SAXO1: variants seen among roughly 807,000 people sequenced by gnomAD.
SAXO1 encodes stabilizer of axonemal microtubules 1.
In SAXO1, 21 loss-of-function variants were observed where a neutral mutation model predicts 17.5. That is an observed-to-expected ratio of 1.20 (90% CI 0.85 to 1.72). SAXO1 has a LOEUF of 1.72. Ranked by LOEUF, SAXO1 falls within the 40% of genes most tolerant of loss-of-function variation. The pLI is 0.00. For missense variants in SAXO1, 843 were observed against 596.0 expected (o/e 1.41, Z -4.32); for synonymous variants, 274 against 216.5 (o/e 1.27, Z -2.33).
At chr9:18,955,618 GC>G (rs1172256113) in intron 1 of SAXO1, among the ~76,000 whole-genome samples, 1 of 152,136 alleles carries the variant, frequency 6.6e-6, no homozygotes, top group African/African-American at 2.4e-5. Flanking sequence ...TCTTCATATG[GC>G]ATAATCAGAG....
chr9:19,033,107 T>TAGC lies in SAXO1; in HGVS notation c.-202_-200dup. On this transcript the variant is annotated 5_prime_UTR_variant, in exon 1 of 4. Coordinates refer to ENST00000380534, the MANE Select transcript of SAXO1 (RefSeq NM_153707.4). ...CTCCTGGAGCTGGCCTAGCGCGAGGTAGCAGCAGGGGGCTTGCACGCGCGC... is the reference window on the plus strand; with the variant it reads ...CTCCTGGAGCTGGCCTAGCGCGAGGTAGCAGCAGCAGGGGGCTTGCACGCGCGC... 1 of 529,106 alleles carries TAGC rather than the reference T, an allele frequency of 1.9e-6. No homozygotes were observed. Among genetic ancestry groups the TAGC allele is most frequent in the South Asian group, 3.2e-5 (1 of 31,116 alleles). 32.8% of individuals were successfully genotyped at this position (529,106 alleles called of 1,614,324 possible). A position where few individuals can be genotyped will look rare whatever the true frequency, so the allele number is the denominator to read the frequency against.
intron 3 of SAXO1, among the ~76,000 whole-genome samples, chr9:18,933,903 A>C (rs538287080): frequency 2.5e-4 from 38 of 152,250 alleles, no homozygotes; most frequent in Admixed American, 2.0e-3. Flanking sequence ...CAAATTAGCC[A>C]GGCGTAGTGG....
chr9:19,032,542 G>C (rs182250813), intron 1 of SAXO1, among the ~76,000 whole-genome samples: 1 of 152,184 alleles, frequency 6.6e-6, no homozygotes, highest in African/African-American at 2.4e-5. Flanking sequence ...AGCAAGACTG[G>C]TCCCACTGGG....
chr9:18,978,537 G>A (rs1833244706), intron 1 of SAXO1, among the ~76,000 whole-genome samples: 1 of 152,204 alleles, frequency 6.6e-6, no homozygotes, highest in African/African-American at 2.4e-5. Context: ...ATTTTAATAA[G>A]AGCCATTGTG....
intron 1 of SAXO1, among the ~76,000 whole-genome samples, chr9:19,030,693 CAAAAAAATA>C (rs1835723248): frequency 6.7e-6 from 1 of 150,102 alleles, no homozygotes; most frequent in Non-Finnish European, 1.5e-5. Flanking sequence ...GACTCCATCT[CAAAAAAATA>C]AAAAAAATAA....
intron 1 of SAXO1, among the ~76,000 whole-genome samples, chr9:19,041,586 A>C (rs551287266): frequency 5.9e-5 from 9 of 152,354 alleles, no homozygotes; most frequent in African/African-American, 2.2e-4. Flanking sequence ...TGGTACTAGC[A>C]TAAAAACAGA....
At chr9:19,029,079 C>T (rs1835643579) in intron 1 of SAXO1, among the ~76,000 whole-genome samples, 1 of 152,214 alleles carries the variant, frequency 6.6e-6, no homozygotes, top group African/African-American at 2.4e-5. Context: ...CCAAGAGAGT[C>T]ACCCATTGGT....
At chr9:19,021,811 T>C (rs1446316877) in intron 1 of SAXO1, among the ~76,000 whole-genome samples, 1 of 144,264 alleles carries the variant, frequency 6.9e-6, no homozygotes, top group African/African-American at 2.5e-5. Context: ...GCTAAAGCAT[T>C]GTAAACGCAC....
chr9:18,980,780 T>TGAA (rs1833353649), intron 1 of SAXO1, among the ~76,000 whole-genome samples: 1 of 8,392 alleles, frequency 1.2e-4, no homozygotes. Flanking sequence ...TTTAAAAAAC[T>TGAA]GAAAAAAAAA....
At chr9:18,988,858 A>G (rs936616344) in intron 1 of SAXO1, among the ~76,000 whole-genome samples, 2 of 152,166 alleles carry the variant, frequency 1.3e-5, no homozygotes, top group African/African-American at 4.8e-5. Context: ...ATAATGATTC[A>G]CTTTACATTG....
At chr9:18,953,060 T>C (rs1424840342) in intron 1 of SAXO1, among the ~76,000 whole-genome samples, 1 of 152,218 alleles carries the variant, frequency 6.6e-6, no homozygotes, top group South Asian at 2.1e-4. Flanking sequence ...GATTTCAATT[T>C]AAGCCAACTA....
chr9:19,015,643 CT>C (rs34096432), intron 1 of SAXO1, among the ~76,000 whole-genome samples: 8,990 of 142,144 alleles, frequency 0.063, 305 homozygotes, highest in African/African-American at 0.088. Flanking sequence ...ACGCCTGGCC[CT>C]TTTTTTTTTT....
intron 1 of SAXO1, among the ~76,000 whole-genome samples, chr9:19,010,778 G>C (rs376788564): frequency 6.6e-6 from 1 of 152,130 alleles, no homozygotes; most frequent in Non-Finnish European, 1.5e-5. Context: ...CTTTCAATGT[G>C]ATTACCAGGG....
intron 1 of SAXO1, among the ~76,000 whole-genome samples, chr9:19,009,421 A>C (rs1834627180): frequency 1.3e-5 from 2 of 152,186 alleles, no homozygotes; most frequent in Admixed American, 1.3e-4. Context: ...TCAACTAGGA[A>C]TACCCGGAGA....
At chr9:19,027,794 C>T in intron 1 of SAXO1, 1 of 1,509,754 alleles carries the variant, frequency 6.6e-7, no homozygotes, top group Non-Finnish European at 9.1e-7. Context: ...GGATGGCTTC[C>T]AGCCCAACAC....
chr9:18,999,730 GTC>G, intron 1 of SAXO1, among the ~76,000 whole-genome samples: 1 of 147,020 alleles, frequency 6.8e-6, no homozygotes, highest in Admixed American at 6.7e-5. Flanking sequence ...CTGCCCAGCT[GTC>G]CCACTGTCTG....
intron 1 of SAXO1, among the ~76,000 whole-genome samples, chr9:19,015,214 G>A (rs540183035): frequency 9.2e-5 from 14 of 152,212 alleles, no homozygotes; most frequent in East Asian, 5.8e-4. Flanking sequence ...CAACCAGCCC[G>A]GAGTACAATG....
In SAXO1 at chr9:18,986,620, A is replaced by G. The variant is rs80146544; in HGVS notation, c.39-35683T>C. Among the ~76,000 whole-genome samples, 1,159 of 133,322 alleles carry G rather than the reference A, an allele frequency of 8.7e-3. 11 individuals are homozygous for G. The highest frequency in any genetic ancestry group is 0.028 in the African/African-American group (1,083 of 38,908). 87.5% of individuals were successfully genotyped at this position (133,322 alleles called of 152,430 possible). On this transcript the variant is annotated intron_variant, in intron 1 of 3. Coordinates refer to ENST00000380534, the MANE Select transcript of SAXO1 (RefSeq NM_153707.4). ...GTCTTCTCCAAAGGAGAAAAAAAAA[A>G]GGGGGGGCGGTTCCTCATCATCGTG...
chr9:19,041,740 T>C (rs1053489261), intron 1 of SAXO1, among the ~76,000 whole-genome samples: 33 of 152,176 alleles, frequency 2.2e-4, no homozygotes, highest in Admixed American at 1.4e-3. Flanking sequence ...TGAATATCCA[T>C]ATGCAGAAGA....
Sources: gnomAD v4.1 joint callset for allele counts (sites outside exome capture counted in the v4.1 genomes callset) on GRCh38, gnomAD v4.1.1 for gene constraint, MANE v1.5 for transcripts, NCBI Gene and HGNC (gene_info 2026-07-23, HGNC 2026-07-21) for gene names.